The following SEMA4D variants were observed in gnomAD, a reference collection of about 807,000 sequenced individuals.
SEMA4D encodes semaphorin-4D.
SEMA4D carries 22 observed loss-of-function variants against 74.8 expected under a neutral mutation model. The ratio of observed to expected loss-of-function variants is 0.29; its 90% CI spans 0.21 to 0.42. The LOEUF (loss-of-function observed/expected upper bound fraction) is 0.42, where lower values mean the gene tolerates loss of function less well. Ranked by LOEUF, SEMA4D falls within the 10% of genes least tolerant of loss-of-function variation. SEMA4D has a pLI of 1.00. For synonymous variants in SEMA4D, 445 were observed against 463.7 expected, an observed-to-expected ratio of 0.96 and a Z score of 0.52; for missense variants, 937 against 1,118.4, an observed-to-expected ratio of 0.84 and a Z score of 2.31.
intron 2 of SEMA4D, among the ~76,000 whole-genome samples, chr9:89,420,717 G>A (rs1846749249): frequency 6.6e-6 from 1 of 152,218 alleles, no homozygotes; most frequent in Non-Finnish European, 1.5e-5. Flanking sequence ...CAAGAGCAAG[G>A]GGCTCTGCAA....
chr9:89,403,262 GC>G (rs1842587036), intron 3 of SEMA4D, among the ~76,000 whole-genome samples: 1 of 152,186 alleles, frequency 6.6e-6, no homozygotes, highest in Non-Finnish European at 1.5e-5. Flanking sequence ...TAGAGCTCAA[GC>G]CCGGAGCCAG....
chr9:89,449,590 T>C, intron 2 of SEMA4D: 11 of 898,944 alleles, frequency 1.2e-5, no homozygotes, highest in Non-Finnish European at 2.1e-5. Flanking sequence ...AGGAGCAAAC[T>C]ATCGCCGAGG....
Position 89,449,966 on chromosome 9 carries a change from A to T in SEMA4D, c.-244+5922T>A, listed in dbSNP as rs968590270. On this transcript the variant is annotated intron_variant, in intron 2 of 15. Coordinates refer to ENST00000422704, the MANE Select transcript of SEMA4D (RefSeq NM_001371194.2). ...ATGTAGCTCAGGGGACCCAAGTAACAGGGAGGAAAGCAGATGTTATTAAGG... is the reference window on the plus strand; with the variant it reads ...ATGTAGCTCAGGGGACCCAAGTAACTGGGAGGAAAGCAGATGTTATTAAGG... The T allele has an allele frequency of 4.5e-6, 7 of 1,540,324 alleles. No individual in the cohort carries two copies. In the South Asian group the frequency reaches 6.7e-5, roughly 15 times the overall value.
Position 89,363,348 on chromosome 9 carries a change from C to T in SEMA4D, c.2190+82G>A, listed in dbSNP as rs575374863. On this transcript the variant is annotated intron_variant, in intron 18 of 18. Transcript: ENST00000339861. ...CAAGTGGGGTCCATGCTGAATGGGG[C>T]CCTTGAAAGATCCACTGGATGTGGC... The T allele has an allele frequency of 7.3e-5, 115 of 1,578,924 alleles. 4 individuals carry two copies. In the South Asian group the frequency reaches 1.3e-3, roughly 17 times the overall value.
At chr9:89,446,027 G>C (rs1194958618) in intron 2 of SEMA4D, among the ~76,000 whole-genome samples, 1 of 152,108 alleles carries the variant, frequency 6.6e-6, no homozygotes, top group Non-Finnish European at 1.5e-5. Context: ...CTGCAGGTCT[G>C]TCCATCCTGC....
chr9:89,389,187 G>A (rs1839253191), intron 9 of SEMA4D, 140 bp from the exon 10 acceptor site: 1 of 799,156 alleles, frequency 1.3e-6, no homozygotes, highest in African/African-American at 1.7e-5. Context: ...ACAGGAGACA[G>A]ATGCCGCAAT....
intron 16 of SEMA4D, among the ~76,000 whole-genome samples, chr9:89,371,746 C>CT (rs1376929426): frequency 2.4e-4 from 5 of 20,780 alleles, no homozygotes; most frequent in Non-Finnish European, 2.5e-4. Context: ...TGGTGTGTGT[C>CT]GGGTGTGGTG....
chr9:89,410,311 C>G (rs1028990322), intron 2 of SEMA4D, among the ~76,000 whole-genome samples: 1 of 152,124 alleles, frequency 6.6e-6, no homozygotes, highest in Non-Finnish European at 1.5e-5. Context: ...AGTATTTTAC[C>G]TTTTTAAATA....
At chr9:89,368,854 G>A (rs904886917) in intron 16 of SEMA4D, 3 of 152,256 alleles carry the variant, frequency 2.0e-5, no homozygotes, top group Non-Finnish European at 4.4e-5. Context: ...AAAGGGACCT[G>A]AGAAAGTACC....
At chr9:89,449,645 T>C in intron 2 of SEMA4D, 1 of 1,420,036 alleles carries the variant, frequency 7.0e-7, no homozygotes, top group Admixed American at 1.7e-5. Context: ...ACATTGCCAA[T>C]GGGGTACTTC....
At chr9:89,464,480 G>A (rs1858151980) in intron 1 of SEMA4D, among the ~76,000 whole-genome samples, 1 of 152,128 alleles carries the variant, frequency 6.6e-6, no homozygotes, top group Admixed American at 6.5e-5. Context: ...CCAGGATCTG[G>A]ACAGGAAAAG....
At chr9:89,465,698 T>C (rs1417492861) in intron 1 of SEMA4D, among the ~76,000 whole-genome samples, 1 of 152,264 alleles carries the variant, frequency 6.6e-6, no homozygotes, top group African/African-American at 2.4e-5. Flanking sequence ...ACCAGCCTTT[T>C]CCATGGGGAG....
chr9:89,363,496 C>CG lies in SEMA4D; in HGVS notation c.2123_2124insC (p.Glu708AspfsTer27). The CG allele has an allele frequency of 6.2e-7, 1 of 1,614,106 alleles. No homozygotes were observed. Among genetic ancestry groups the CG allele is most frequent in the Non-Finnish European group, 8.5e-7 (1 of 1,180,014 alleles). On this transcript the variant is annotated frameshift_variant, in exon 18 of 19. Coordinates refer to the SEMA4D transcript ENST00000339861. LOFTEE classifies it high-confidence loss of function. ...CAGCCACAGCCCTCCAGGCAGAGAG[C>CG]TCTCTGGTCCACCTCTCCTGGTGGG...
At chr9:89,447,953 C>A (rs921724383) in intron 2 of SEMA4D, among the ~76,000 whole-genome samples, 1 of 152,200 alleles carries the variant, frequency 6.6e-6, no homozygotes, top group African/African-American at 2.4e-5. Flanking sequence ...CGTCTCATCT[C>A]CTTCTCTGCT....
At chr9:89,474,093 G>A (rs1390464998) in intron 1 of SEMA4D, among the ~76,000 whole-genome samples, 1 of 152,074 alleles carries the variant, frequency 6.6e-6, no homozygotes, top group Non-Finnish European at 1.5e-5. Context: ...GCCCAAAGGA[G>A]TTCCAGCCAC....
intron 1 of SEMA4D, among the ~76,000 whole-genome samples, chr9:89,497,121 C>G (rs915593226): frequency 1.3e-5 from 2 of 152,224 alleles, no homozygotes; most frequent in Admixed American, 6.5e-5. Flanking sequence ...CCACCTACCC[C>G]CCAAAATACT....
chr9:89,453,293 A>C (rs562259992), intron 2 of SEMA4D, among the ~76,000 whole-genome samples: 8 of 152,346 alleles, frequency 5.3e-5, no homozygotes, highest in East Asian at 1.9e-4. Flanking sequence ...GTATCAAAAC[A>C]ACCACCAAAC....
intron 6 of SEMA4D, 66 bp downstream of exon 6, chr9:89,396,671 A>T: frequency 7.6e-7 from 1 of 1,308,296 alleles, no homozygotes. Context: ...GTCTGCTTTG[A>T]GCCCCCTTCT....
intron 2 of SEMA4D, among the ~76,000 whole-genome samples, chr9:89,443,615 C>A (rs376058262): frequency 6.6e-6 from 1 of 152,222 alleles, no homozygotes; most frequent in Non-Finnish European, 1.5e-5. Context: ...GGCCCTGCAG[C>A]GCTCAGCTGC....
Sources: allele counts gnomAD v4.1 joint callset (sites outside exome capture counted in the v4.1 genomes callset), GRCh38; gene constraint gnomAD v4.1.1; transcripts MANE v1.5; gene names NCBI Gene and HGNC (gene_info 2026-07-23, HGNC 2026-07-21).